PISD: variants seen among roughly 807,000 people sequenced by gnomAD.
The protein encoded by PISD is phosphatidylserine decarboxylase.
A neutral mutation model predicts 43.5 loss-of-function variants in PISD; 31 were observed. That is an observed-to-expected ratio of 0.71 (90% CI 0.54 to 0.96). The LOEUF is 0.96. Ranked by LOEUF, PISD falls within the 40% of genes least tolerant of loss-of-function variation. PISD has a pLI of 0.00. For missense variants in PISD, 523 were observed against 548.4 expected, an observed-to-expected ratio of 0.95 and a Z score of 0.46; for synonymous variants, 259 against 228.7, an observed-to-expected ratio of 1.13 and a Z score of -1.20.
chr22:31,625,917 T>C, intron 3 of PISD: 1 of 1,532,764 alleles, frequency 6.5e-7, no homozygotes, highest in Non-Finnish European at 8.8e-7. Flanking sequence ...GTGCTGTCAC[T>C]GCTCCAGGGC....
intron 3 of PISD, among the ~76,000 whole-genome samples, chr22:31,641,718 G>A (rs2073735219): frequency 6.6e-6 from 1 of 151,116 alleles, no homozygotes; most frequent in South Asian, 2.1e-4. Context: ...TACTCGGGAG[G>A]CTGAGGCAGG....
Position 31,648,188 on chromosome 22 carries a change from T to C in PISD, c.234A>G (p.Ala78=), listed in dbSNP as rs747525388. 1 of 1,612,380 alleles carries C rather than the reference T, an allele frequency of 6.2e-7. No individual in the cohort carries two copies. Among genetic ancestry groups the C allele is most frequent in the Non-Finnish European group, 8.5e-7 (1 of 1,179,726 alleles). The change falls in exon 3 of 8, where the codon GCA becomes GCG. Residue 78 remains alanine, a synonymous_variant. Coordinates refer to ENST00000439502, the MANE Select transcript of PISD (RefSeq NM_001326411.2). ...PILLVTGGGY[A]GYRQYEKYRE... ...TGTACTTCTCATACTGCCGGTACCC[T>C]GCATACCCGCCGCCTGTCACCAACA...
chr22:31,659,723 T>C (rs963282110), intron 1 of PISD, among the ~76,000 whole-genome samples: 1 of 151,952 alleles, frequency 6.6e-6, no homozygotes, highest in African/African-American at 2.4e-5. Flanking sequence ...TCCTGAGTAG[T>C]TGGGACTACA....
At chr22:31,631,602 C>T (rs1308699654) in intron 3 of PISD, among the ~76,000 whole-genome samples, 6 of 152,212 alleles carry the variant, frequency 3.9e-5, no homozygotes, top group Admixed American at 3.3e-4. Context: ...CCCGCTAGAT[C>T]GGAGGGCCCT....
At chr22:31,636,184 T>C (rs9621300) in intron 3 of PISD, among the ~76,000 whole-genome samples, 4,020 of 152,304 alleles carry the variant, frequency 0.026, 152 homozygotes, top group African/African-American at 0.09. Context: ...CACAGGCCAC[T>C]TCACAGGGTT....
intron 2 of PISD, among the ~76,000 whole-genome samples, 198 bp from the exon 3 acceptor site, chr22:31,648,474 G>A (rs1467137672): frequency 2.0e-5 from 3 of 151,968 alleles, no homozygotes; most frequent in South Asian, 2.1e-4. Flanking sequence ...TCAGGAGATC[G>A]AGACCACGGT....
rs73881400 is a variant in PISD, at chr22:31,638,546, C to T, written c.321+9555G>A. ...AATGACACAGCTGCCCCAAGAGAGGCAAAACGGGTAGTAAGGACACCCGCA... is the reference window on the plus strand; with the variant it reads ...AATGACACAGCTGCCCCAAGAGAGGTAAAACGGGTAGTAAGGACACCCGCA... On this transcript the variant is annotated intron_variant, in intron 3 of 7. Transcript: ENST00000439502. 6.0e-3 allele frequency: 5,881 copies of T among 985,442 alleles called. 251 individuals are homozygous for T. The African/African-American group carries it at 0.091, about 15-fold the overall frequency. The allele number at this position is 985,442 out of a possible 1,614,324, so 61.0% of individuals were successfully genotyped here.
At chr22:31,648,669 A>C (rs1289586846) in intron 2 of PISD, among the ~76,000 whole-genome samples, 1 of 150,488 alleles carries the variant, frequency 6.6e-6, no homozygotes, top group Non-Finnish European at 1.5e-5. Context: ...TCCATTTCAA[A>C]AAAAAAAAAA....
At chr22:31,626,666 C>A (rs1241486109) in intron 3 of PISD, among the ~76,000 whole-genome samples, 1 of 152,208 alleles carries the variant, frequency 6.6e-6, no homozygotes. Flanking sequence ...CTTTTTCCAT[C>A]GTTGCTTCAG....
Position 31,630,897 on chromosome 22 carries a change from CCACT to C in PISD, c.322-9016_322-9013del. On this transcript the variant is annotated intron_variant, in intron 3 of 7. Transcript: ENST00000439502. This position sits in a 1 kb window ranked among gnomAD's most constrained non-coding sequence, Gnocchi z 4.4. ...CGAGTGGGCGGGGCTCGGGCTCCAG[CCACT>C]CAGACTACCAGGGGCGGGGGCAGGA... 1 of 979,930 alleles carries C rather than the reference CCACT, an allele frequency of 1.0e-6. No individual in the cohort carries two copies. Among genetic ancestry groups the C allele is most frequent in the Non-Finnish European group, 1.2e-6 (1 of 824,884 alleles). 60.7% of individuals were successfully genotyped at this position (979,930 alleles called of 1,614,324 possible).
In PISD at chr22:31,630,584, G is replaced by T; in HGVS notation, c.322-8699C>A. 1 of 319,542 alleles carries T rather than the reference G, an allele frequency of 3.1e-6. No individual in the cohort carries two copies. The highest frequency in any genetic ancestry group is 4.5e-6 in the Non-Finnish European group (1 of 221,100). 19.8% of individuals were successfully genotyped at this position (319,542 alleles called of 1,614,324 possible). On this transcript the variant is annotated intron_variant, in intron 3 of 7. Transcript: ENST00000439502. This position sits in a 1 kb window ranked among gnomAD's most constrained non-coding sequence, Gnocchi z 4.4. ...CTCACGCAGCCCGGGCCGTGCCCAC[G>T]TGGGGACGGAAAAAAAGCCCACGAC...
chr22:31,637,205 A>ATATATG (rs2073529910), intron 3 of PISD, among the ~76,000 whole-genome samples: 3 of 110,640 alleles, frequency 2.7e-5, no homozygotes, highest in African/African-American at 7.2e-5. Context: ...ATATATATAT[A>ATATATG]TAGAAAAATT....
intron 3 of PISD, chr22:31,638,637 G>A: frequency 1.0e-6 from 1 of 984,974 alleles, no homozygotes; most frequent in Non-Finnish European, 1.2e-6. Context: ...AACCAGTTCT[G>A]TCTCTACTAC....
intron 3 of PISD, among the ~76,000 whole-genome samples, chr22:31,639,556 T>C (rs1232197341): frequency 6.6e-6 from 1 of 152,178 alleles, no homozygotes; most frequent in Non-Finnish European, 1.5e-5. Flanking sequence ...TTAGATGTTT[T>C]GTAACCAAAA....
chr22:31,645,926 G>C (rs1425848399), intron 3 of PISD, among the ~76,000 whole-genome samples: 5 of 150,330 alleles, frequency 3.3e-5, no homozygotes, highest in Non-Finnish European at 7.4e-5. Flanking sequence ...TTCAGACTTG[G>C]GTCACATCCC....
intron 3 of PISD, among the ~76,000 whole-genome samples, chr22:31,646,921 C>A (rs1488778693): frequency 6.6e-6 from 1 of 151,912 alleles, no homozygotes; most frequent in Admixed American, 6.6e-5. Flanking sequence ...GGCGTACGAA[C>A]AGGCCAAAGG....
At chr22:31,655,851 G>A (rs1289896580) in intron 1 of PISD, among the ~76,000 whole-genome samples, 1 of 151,678 alleles carries the variant, frequency 6.6e-6, no homozygotes, top group African/African-American at 2.4e-5. Flanking sequence ...TGGCCAGGCT[G>A]GGCTCGAACT....
intron 3 of PISD, among the ~76,000 whole-genome samples, chr22:31,625,292 G>A (rs1182971904): frequency 6.6e-6 from 1 of 152,234 alleles, no homozygotes; most frequent in Non-Finnish European, 1.5e-5. Flanking sequence ...AAAAGGTCCA[G>A]GAAGGTGGCA....
intron 1 of PISD, among the ~76,000 whole-genome samples, chr22:31,657,295 C>G (rs1055186271): frequency 2.6e-5 from 4 of 152,048 alleles, no homozygotes; most frequent in Non-Finnish European, 4.4e-5. Flanking sequence ...ACCACCATGC[C>G]TGGCTAATTT....
Sources: gnomAD v4.1 joint callset for allele counts (sites outside exome capture counted in the v4.1 genomes callset) on GRCh38, gnomAD v4.1.1 for gene constraint, Gnocchi (gnomAD v3.1) non-coding constraint, MANE v1.5 for transcripts, NCBI Gene and HGNC (gene_info 2026-07-23, HGNC 2026-07-21) for gene names.